CACNA1D: variants seen among roughly 807,000 people sequenced by gnomAD.
The protein encoded by CACNA1D is voltage-dependent L-type calcium channel subunit alpha-1D.
A neutral mutation model predicts 257.1 loss-of-function variants in CACNA1D; 55 were observed. The ratio of observed to expected loss-of-function variants is 0.21; its 90% CI spans 0.17 to 0.27. The LOEUF (loss-of-function observed/expected upper bound fraction) is 0.27, where lower values mean the gene tolerates loss of function less well. Among genes scored for constraint, CACNA1D ranks in the 10% least tolerant of loss-of-function variants. The pLI is 1.00. For synonymous variants in CACNA1D, 980 were observed against 1,014.9 expected, an observed-to-expected ratio of 0.97 and a Z score of 0.65; for missense variants, 1,876 against 2,784.0, an observed-to-expected ratio of 0.67 and a Z score of 7.34.
At chr3:53,775,758 T>G (rs1576630388) in intron 34 of CACNA1D, 128 bp from the exon 35 acceptor site, 3 of 908,378 alleles carry the variant, frequency 3.3e-6, no homozygotes, top group Non-Finnish European at 5.5e-6. Flanking sequence ...ACATTTCCAT[T>G]AATTCAAATT....
rs972936924 is a variant in CACNA1D, at chr3:53,622,913, G to A, written c.484-27866G>A. 4.7e-5 allele frequency among the ~76,000 whole-genome samples: 7 copies of A among 149,916 alleles called. No individual in the cohort carries two copies. The East Asian group carries it at 7.8e-4, about 17-fold the overall frequency. ...AGAAGCCTTTTTTTTTTTTTGAGAC[G>A]GAGTCTTGCTCTGTCACCCAGGCTG... is the stretch of plus-strand genomic sequence containing the variant. On this transcript the variant is annotated intron_variant, in intron 3 of 47. Transcript: ENST00000350061.
intron 22 of CACNA1D, among the ~76,000 whole-genome samples, chr3:53,743,629 G>A (rs1418747953): frequency 6.6e-6 from 1 of 152,232 alleles, no homozygotes; most frequent in Non-Finnish European, 1.5e-5. Flanking sequence ...GAAAGTCAGG[G>A]CCCCAGGTCT....
Position 53,810,105 on chromosome 3 carries a change from T to A in CACNA1D, c.5999T>A (p.Leu2000Gln). ...GACTGGACACCGTGCTACACCCCCC[T>A]GATCCAAGTGGAGCAGTCAGAGGCC... The part of the protein sequence containing the change: ...YRDWTPCYTP[L>Q]IQVEQSEALD... Residue 2000 changes from leucine to glutamine, a missense_variant, in exon 47 of 48, where the codon CTG becomes CAG. Physicochemically the swap from Leu to Gln is moderately radical, Grantham distance 113. Coordinates refer to ENST00000350061, the MANE Select transcript of CACNA1D (RefSeq NM_001128840.3). 1 of 1,613,878 alleles carries A rather than the reference T, an allele frequency of 6.2e-7. No individual in the cohort carries two copies.
rs181389593 is a variant in CACNA1D at position 53,706,718 on chromosome 3, C to T, written c.1390+3908C>T. Among the ~76,000 whole-genome samples, 7 of 152,180 alleles carry T rather than the reference C, an allele frequency of 4.6e-5. No individual in the cohort carries two copies. In the East Asian group the frequency reaches 5.8e-4, roughly 13 times the overall value. ...CTGGGCTTTTAGTGTAACCATCACCCGAAAAGTGTACATTATACCCAGTAA... is the reference window on the plus strand; with the variant it reads ...CTGGGCTTTTAGTGTAACCATCACCTGAAAAGTGTACATTATACCCAGTAA... On this transcript the variant is annotated intron_variant, in intron 9 of 47. Coordinates refer to ENST00000350061, the MANE Select transcript of CACNA1D (RefSeq NM_001128840.3).
chr3:53,520,101 G>A (rs1391914302), intron 3 of CACNA1D, among the ~76,000 whole-genome samples: 1 of 152,172 alleles, frequency 6.6e-6, no homozygotes, highest in African/African-American at 2.4e-5. Flanking sequence ...TAATGTTGCT[G>A]TGAACATTCA....
chr3:53,677,737 G>GT (rs1293751220), intron 8 of CACNA1D, among the ~76,000 whole-genome samples: 2 of 152,148 alleles, frequency 1.3e-5, no homozygotes, highest in South Asian at 2.1e-4. Flanking sequence ...ATTTGACAAT[G>GT]TTTTTTTGCA....
chr3:53,629,789 C>T (rs74800517), intron 3 of CACNA1D, among the ~76,000 whole-genome samples: 2 of 152,096 alleles, frequency 1.3e-5, no homozygotes, highest in African/African-American at 4.8e-5. Flanking sequence ...CTTTGAGCCC[C>T]GATGTATAAA....
Position 53,811,282 on chromosome 3 carries a change from C to A in CACNA1D, c.6362C>A (p.Pro2121His). The change falls in exon 48 of 48, where the codon CCC (proline) becomes CAC (histidine). Residue 2121 changes from proline to histidine, a missense_variant. By Grantham distance (77) the Pro-to-His change is moderately conservative (BLOSUM62 -2). This residue lies in a region of CACNA1D where 491 missense variants were observed against 554.3 expected (regional missense o/e 0.89). Transcript: ENST00000350061. This position sits in a 1 kb window ranked among gnomAD's most constrained non-coding sequence, Gnocchi z 4.2. ...VRPRANGDVG[P>H]LSHRQDYELQ... ...CCCCGAGCCAACGGGGATGTGGGCC[C>A]CCTCTCACACCGGCAGGACTATGAG... 6.2e-7 allele frequency: 1 copy of A among 1,613,922 alleles called. No individual in the cohort carries two copies. Among genetic ancestry groups the A allele is most frequent in the East Asian group, 2.2e-5 (1 of 44,872 alleles).
At chr3:53,772,749 G>T (rs909512539) in intron 32 of CACNA1D, 84 bp from the exon 33 acceptor site, 4 of 927,070 alleles carry the variant, frequency 4.3e-6, no homozygotes, top group Non-Finnish European at 7.2e-6. Context: ...GAAGCATGTG[G>T]CCACTCATGG....
intron 5 of CACNA1D, among the ~76,000 whole-genome samples, chr3:53,662,531 A>G (rs2094214402): frequency 6.6e-6 from 1 of 152,200 alleles, no homozygotes; most frequent in African/African-American, 2.4e-5. Flanking sequence ...CATCTGGTCT[A>G]CCTGCATCTT....
In CACNA1D at chr3:53,495,146, T is replaced by A. The variant is rs368361087; in HGVS notation, c.-21T>A. The A allele has an allele frequency of 3.4e-4, 537 of 1,595,550 alleles. No homozygotes were observed. The highest frequency in any genetic ancestry group is 4.4e-4 in the Non-Finnish European group (516 of 1,167,710). On this transcript the variant is annotated 5_prime_UTR_variant, in exon 1 of 48. Coordinates refer to ENST00000350061, the MANE Select transcript of CACNA1D (RefSeq NM_001128840.3). The surrounding 1 kb of genome is among the most constrained non-coding windows in gnomAD (Gnocchi z 5.1). ...CAGCACAGTGCCCTGCACACAGTAGTCGCTCAATAAATGTTCGTGGATGAT... is the reference window on the plus strand; with the variant it reads ...CAGCACAGTGCCCTGCACACAGTAGACGCTCAATAAATGTTCGTGGATGAT...
At chr3:53,731,907 G>A in intron 17 of CACNA1D, 109 bp from the exon 18 acceptor site, 2 of 775,330 alleles carry the variant, frequency 2.6e-6, no homozygotes, top group South Asian at 2.8e-5. Context: ...TACAGATGCA[G>A]CTTTGGGGAG....
chr3:53,602,004 C>T (rs1221727641), intron 3 of CACNA1D, among the ~76,000 whole-genome samples: 1 of 152,204 alleles, frequency 6.6e-6, no homozygotes, highest in Non-Finnish European at 1.5e-5. Context: ...AGCCACCACA[C>T]CCAGCCTGTG....
In CACNA1D at chr3:53,759,980, A is replaced by T. The variant is rs1481699513; in HGVS notation, c.3787-2018A>T. 3.3e-5 allele frequency among the ~76,000 whole-genome samples: 5 copies of T among 152,202 alleles called. No homozygotes were observed. The East Asian group carries it at 9.6e-4, about 29-fold the overall frequency. The stretch of plus-strand genomic sequence containing the variant: ...TGCTGTTTTTAAAATAGCCCTTCCC[A>T]TTAGACTTTTATACATAGATCATCA... On this transcript the variant is annotated intron_variant, in intron 29 of 47. Transcript: ENST00000350061.
chr3:53,700,468 G>T (rs866333222), intron 8 of CACNA1D, among the ~76,000 whole-genome samples: 1 of 152,304 alleles, frequency 6.6e-6, no homozygotes, highest in Middle Eastern at 3.4e-3. Flanking sequence ...ATTCTGGATT[G>T]AGTTGTGATT....
chr3:53,743,487 G>T (rs572683492), intron 22 of CACNA1D, among the ~76,000 whole-genome samples: 1 of 152,268 alleles, frequency 6.6e-6, no homozygotes, highest in East Asian at 1.9e-4. Context: ...TATATAGGAG[G>T]GGCTGGGACC....
chr3:53,668,692 C>A (rs1259658728), intron 7 of CACNA1D, among the ~76,000 whole-genome samples: 1 of 152,080 alleles, frequency 6.6e-6, no homozygotes, highest in African/African-American at 2.4e-5. Flanking sequence ...CATAAGGGGG[C>A]AAATAGAAAA....
intron 3 of CACNA1D, among the ~76,000 whole-genome samples, chr3:53,507,084 A>AAC (rs1307637402): frequency 2.0e-5 from 3 of 151,170 alleles, no homozygotes; most frequent in Non-Finnish European, 4.4e-5. Context: ...AAAAAAAAAA[A>AAC]AAAAAAAAAC....
At chr3:53,552,411 C>T (rs1270769771) in intron 3 of CACNA1D, among the ~76,000 whole-genome samples, 1 of 152,128 alleles carries the variant, frequency 6.6e-6, no homozygotes, top group African/African-American at 2.4e-5. Flanking sequence ...GACAGAGTCT[C>T]GCTCTGTTGC....
Sources: allele counts gnomAD v4.1 joint callset (sites outside exome capture counted in the v4.1 genomes callset), GRCh38; gene constraint gnomAD v4.1.1; regional missense constraint gnomAD v4.1.1; non-coding constraint Gnocchi (gnomAD v3.1); transcripts MANE v1.5; gene names NCBI Gene and HGNC (gene_info 2026-07-23, HGNC 2026-07-21).